The following MTIF2 variants were observed in gnomAD, a reference collection of about 807,000 sequenced individuals.
MTIF2 encodes the protein mitochondrial translational initiation factor 2.
Under a neutral mutation model 83.5 loss-of-function variants are expected in MTIF2, and 71 were observed. That is an observed-to-expected ratio of 0.85 (90% CI 0.70 to 1.04). The LOEUF (loss-of-function observed/expected upper bound fraction) is 1.04. Among genes scored for constraint, MTIF2 ranks in the 50% least tolerant of loss-of-function variants. The probability of loss-of-function intolerance (pLI) is 0.00; values close to 1 mark genes in which losing one functional copy is unlikely to be tolerated. For missense variants in MTIF2, 957 were observed against 846.5 expected (o/e 1.13, Z -1.62); for synonymous variants, 319 against 287.1 (o/e 1.11, Z -1.12).
At chr2:55,249,209 T>G (rs1676914231) in intron 9 of MTIF2, among the ~76,000 whole-genome samples, 186 bp downstream of exon 9, 1 of 152,248 alleles carries the variant, frequency 6.6e-6, no homozygotes, top group African/African-American at 2.4e-5. Context: ...AGCTGGTGAC[T>G]GACCTCTCTG....
chr2:55,241,075 G>A (rs527511380), intron 13 of MTIF2, among the ~76,000 whole-genome samples: 1 of 151,474 alleles, frequency 6.6e-6, no homozygotes, highest in East Asian at 1.9e-4. Flanking sequence ...TAAATACTTT[G>A]GGAGAAAAAA....
chr2:55,253,976 T>C, intron 7 of MTIF2, 65 bp downstream of exon 7: 1 of 1,524,690 alleles, frequency 6.6e-7, no homozygotes, highest in Admixed American at 1.8e-5. Flanking sequence ...TTTCATACTA[T>C]GACATTTAGT....
intron 11 of MTIF2, 140 bp from the exon 12 acceptor site, chr2:55,243,808 A>G (rs1234589146): frequency 3.7e-6 from 4 of 1,077,428 alleles, no homozygotes; most frequent in Non-Finnish European, 5.2e-6. Flanking sequence ...AGAAACATGT[A>G]AAATTTTAAT....
At chr2:55,263,175 T>C (rs1455707040) in intron 4 of MTIF2, among the ~76,000 whole-genome samples, 1 of 152,246 alleles carries the variant, frequency 6.6e-6, no homozygotes, top group Non-Finnish European at 1.5e-5. Flanking sequence ...CTACTATTTC[T>C]ACCAACGAAC....
chr2:55,237,267 G>A (rs1446643273), intron 15 of MTIF2, 21 bp downstream of exon 15: 1 of 1,604,370 alleles, frequency 6.2e-7, no homozygotes, highest in East Asian at 2.2e-5. Flanking sequence ...TGCTATTATA[G>A]GAGATTTTGA....
chr2:55,261,445 A>C (rs926032054), intron 5 of MTIF2, among the ~76,000 whole-genome samples: 19 of 146,658 alleles, frequency 1.3e-4, no homozygotes, highest in African/African-American at 4.4e-4. Flanking sequence ...GTCTCTACTA[A>C]AAAAAAAAAA....
intron 5 of MTIF2, among the ~76,000 whole-genome samples, chr2:55,261,114 G>A (rs2104450091): frequency 6.6e-6 from 1 of 151,732 alleles, no homozygotes; most frequent in Non-Finnish European, 1.5e-5. Flanking sequence ...AGCCTCCCGA[G>A]TAGCTGGGAC....
At chr2:55,262,231 C>G in intron 5 of MTIF2, 85 bp downstream of exon 5, 1 of 905,600 alleles carries the variant, frequency 1.1e-6, no homozygotes. Context: ...AGTTTTTAAT[C>G]TTTCAATGCC....
chr2:55,236,967 A>AG (rs1675876315), intron 15 of MTIF2, 147 bp from the exon 16 acceptor site: 1 of 691,374 alleles, frequency 1.4e-6, no homozygotes, highest in Non-Finnish European at 2.2e-6. Flanking sequence ...ACTAAATACC[A>AG]GGGGAACCCC....
intron 7 of MTIF2, 143 bp from the exon 8 acceptor site, chr2:55,252,796 A>ACTG: frequency 1.7e-6 from 1 of 572,092 alleles, no homozygotes; most frequent in Non-Finnish European, 2.9e-6. Flanking sequence ...CAGAACACAG[A>ACTG]TCATCATTTC....
chr2:55,238,389 G>GT (rs34278300), intron 14 of MTIF2, among the ~76,000 whole-genome samples: 64,643 of 117,408 alleles, frequency 0.55, 18,914 homozygotes, highest in Non-Finnish European at 0.62. Context: ...TCTGAGCCTG[G>GT]TTTTTTTTTT....
chr2:55,255,208 A>G (rs1677415611), intron 5 of MTIF2, among the ~76,000 whole-genome samples: 2 of 151,514 alleles, frequency 1.3e-5, no homozygotes, highest in African/African-American at 4.8e-5. Context: ...AATTGCCATT[A>G]TTTGCAATAA....
rs937373314 is a variant in MTIF2 at position 55,245,879 on chromosome 2, G to C, written c.1106+458C>G. 2.6e-5 allele frequency among the ~76,000 whole-genome samples: 4 copies of C among 152,198 alleles called. No homozygotes were observed. In the East Asian group the frequency reaches 5.8e-4, roughly 22 times the overall value. ...TAAGGGATTACTCAGTTGTTAGAGA[G>C]TGTAAAGCAATGAGAAAACCTCTCT... On this transcript the variant is annotated intron_variant, in intron 10 of 15. Transcript: ENST00000263629.
chr2:55,242,099 G>T (rs563614153), intron 13 of MTIF2, among the ~76,000 whole-genome samples: 2 of 149,254 alleles, frequency 1.3e-5, no homozygotes, highest in East Asian at 2.0e-4. Flanking sequence ...CCGAGACCGT[G>T]CCACTGCACT....
At chr2:55,243,948 C>G in intron 11 of MTIF2, 81 bp downstream of exon 11, 1 of 1,190,778 alleles carries the variant, frequency 8.4e-7, no homozygotes, top group South Asian at 1.6e-5. Flanking sequence ...AACATTAATA[C>G]ACATATTTGG....
chr2:55,256,179 C>T (rs1261107266), intron 5 of MTIF2, among the ~76,000 whole-genome samples: 1 of 151,908 alleles, frequency 6.6e-6, no homozygotes, highest in Non-Finnish European at 1.5e-5. Flanking sequence ...CCAGCAAGTA[C>T]TGATTTTTGA....
intron 13 of MTIF2, among the ~76,000 whole-genome samples, chr2:55,242,528 G>A (rs1676400046): frequency 6.6e-6 from 1 of 152,136 alleles, no homozygotes; most frequent in Non-Finnish European, 1.5e-5. Flanking sequence ...AATTACCAAA[G>A]ATAGGCAGCC....
At position 55,249,403 on chromosome 2, in the gene MTIF2, C is replaced by A; in HGVS notation, c.973G>T (p.Ala325Ser). The change falls in exon 9 of 16, where the codon GCA (alanine) becomes TCA (serine). Residue 325 changes from alanine to serine, a missense_variant. Transcript: ENST00000263629. Reference protein sequence around the residue: ...GGDVQAVPVSALTGDNLMALA... With the variant: ...GGDVQAVPVSSLTGDNLMALA... ...GAGGTCCCCGCATTTACCGTAAGTGCGGAGACAGGCACTGCTTGAACATCA... is the reference window on the plus strand; with the variant it reads ...GAGGTCCCCGCATTTACCGTAAGTGAGGAGACAGGCACTGCTTGAACATCA... The A allele has an allele frequency of 6.2e-7, 1 of 1,614,004 alleles. No homozygotes were observed. Among genetic ancestry groups the A allele is most frequent in the Non-Finnish European group, 8.5e-7 (1 of 1,179,944 alleles).
chr2:55,256,173 C>T (rs1677515207), intron 5 of MTIF2, among the ~76,000 whole-genome samples: 1 of 152,072 alleles, frequency 6.6e-6, no homozygotes, highest in Non-Finnish European at 1.5e-5. Context: ...CCATGCCCAG[C>T]AAGTACTGAT....
Sources: allele counts gnomAD v4.1 joint callset (sites outside exome capture counted in the v4.1 genomes callset), GRCh38; gene constraint gnomAD v4.1.1; transcripts MANE v1.5; gene names NCBI Gene and HGNC (gene_info 2026-07-23, HGNC 2026-07-21).